The following TANGO6 variants were observed in gnomAD, a reference collection of about 807,000 sequenced individuals.
TANGO6 encodes the protein transport and Golgi organization protein 6 homolog.
Under a neutral mutation model 114.2 loss-of-function variants are expected in TANGO6, and 90 were observed. That is an observed-to-expected ratio of 0.79 (90% CI 0.66 to 0.94). The LOEUF (loss-of-function observed/expected upper bound fraction) is 0.94. Among genes scored for constraint, TANGO6 ranks in the 40% least tolerant of loss-of-function variants. The pLI is 0.00. For missense variants in TANGO6, 1,274 were observed against 1,315.3 expected, an observed-to-expected ratio of 0.97 and a Z score of 0.49; for synonymous variants, 477 against 509.8, an observed-to-expected ratio of 0.94 and a Z score of 0.87.
intron 1 of TANGO6, among the ~76,000 whole-genome samples, chr16:68,856,208 AC>A (rs1298763440): frequency 1.3e-5 from 2 of 152,350 alleles, no homozygotes; most frequent in East Asian, 3.9e-4. Context: ...ATTTTACTTC[AC>A]CACTAAGTAT....
intron 1 of TANGO6, among the ~76,000 whole-genome samples, chr16:68,852,377 A>C (rs1159476189): frequency 6.6e-6 from 1 of 152,076 alleles, no homozygotes; most frequent in African/African-American, 2.4e-5. Context: ...TATCAATTAC[A>C]TTTTGATTCC....
At position 68,974,105 on chromosome 16, in the gene TANGO6, A is replaced by G; in HGVS notation, c.2779A>G (p.Lys927Glu). The G allele has an allele frequency of 6.2e-7, 1 of 1,613,976 alleles. No homozygotes were observed. The highest frequency in any genetic ancestry group is 8.5e-7 in the Non-Finnish European group (1 of 1,179,888). ...LLAQYDSSKD[K>E]HTPETRMKVG... ...GGCTCAATATGACAGCAGCAAAGAC[A>G]AGCACACACCAGAGACCAGAATGAA... The change falls in exon 15 of 18, where the codon AAG becomes GAG. Residue 927 changes from lysine to glutamate, a missense_variant. Around this residue, in one of 5 missense-constraint regions of TANGO6, gnomAD observed 238 missense variants for 252.9 expected, o/e 0.94. Coordinates refer to ENST00000261778, the MANE Select transcript of TANGO6 (RefSeq NM_024562.2).
intron 4 of TANGO6, among the ~76,000 whole-genome samples, chr16:68,868,356 A>T (rs1265716199): frequency 1.3e-5 from 2 of 152,002 alleles, no homozygotes; most frequent in African/African-American, 4.8e-5. Flanking sequence ...TACATCATTT[A>T]AAGTCAAATA....
At chr16:69,024,618 A>G (rs998407359) in intron 16 of TANGO6, among the ~76,000 whole-genome samples, 4 of 152,126 alleles carry the variant, frequency 2.6e-5, no homozygotes, top group African/African-American at 9.7e-5. Flanking sequence ...ACTCATCAAT[A>G]TATCAGTGTA....
intron 4 of TANGO6, among the ~76,000 whole-genome samples, chr16:68,874,180 C>G (rs933403179): frequency 6.6e-6 from 1 of 152,202 alleles, no homozygotes; most frequent in African/African-American, 2.4e-5. Flanking sequence ...GGAACTCTCT[C>G]TACATGTAAC....
At chr16:68,843,774 G>GGCTGCCCTGCCTTCCGCA (rs1184534723) in intron 1 of TANGO6, 63 bp downstream of exon 1, 10 of 1,544,066 alleles carry the variant, frequency 6.5e-6, no homozygotes, top group Non-Finnish European at 8.0e-6. Flanking sequence ...CGGCTTCCGG[G>GGCTGCCCTGCCTTCCGCA]GCTGCCCTGC....
intron 7 of TANGO6, among the ~76,000 whole-genome samples, chr16:68,894,873 C>T (rs1962682557): frequency 6.6e-6 from 1 of 152,104 alleles, no homozygotes; most frequent in South Asian, 2.1e-4. Flanking sequence ...ATCCATGAAG[C>T]AATCAGTCCC....
chr16:68,876,363 G>A (rs1024387120), intron 5 of TANGO6, among the ~76,000 whole-genome samples: 3 of 152,010 alleles, frequency 2.0e-5, no homozygotes, highest in Non-Finnish European at 2.9e-5. Flanking sequence ...GTTTCTCCAC[G>A]TTGGTCAGGC....
chr16:68,855,300 G>C (rs577801897), intron 1 of TANGO6, among the ~76,000 whole-genome samples: 6 of 152,044 alleles, frequency 3.9e-5, no homozygotes, highest in Non-Finnish European at 5.9e-5. Flanking sequence ...TAAAGTTTTA[G>C]GCCAGGCGTG....
At chr16:69,025,847 G>T in intron 16 of TANGO6, 1 of 224,872 alleles carries the variant, frequency 4.4e-6, no homozygotes, top group South Asian at 8.3e-5. Flanking sequence ...TTCTATTCTT[G>T]GCATAAATTT....
chr16:68,990,364 AAG>A (rs1221843744), intron 15 of TANGO6, among the ~76,000 whole-genome samples: 4 of 152,190 alleles, frequency 2.6e-5, no homozygotes, highest in African/African-American at 9.7e-5. Context: ...GTGGCAGGTA[AAG>A]AGAGAATGAG....
chr16:68,982,143 C>T (rs1270412441), intron 15 of TANGO6, among the ~76,000 whole-genome samples: 2 of 152,136 alleles, frequency 1.3e-5, no homozygotes, highest in African/African-American at 2.4e-5. Flanking sequence ...TGTTGAAACA[C>T]CTTGTTCTAG....
chr16:68,955,020 G>A (rs942541823), intron 14 of TANGO6, among the ~76,000 whole-genome samples: 1 of 152,150 alleles, frequency 6.6e-6, no homozygotes. Context: ...TGACAACAAG[G>A]TTCAGGGACT....
intron 5 of TANGO6, 113 bp from the exon 6 acceptor site, chr16:68,878,005 T>C: frequency 1.2e-6 from 1 of 819,270 alleles, no homozygotes; most frequent in Non-Finnish European, 1.8e-6. Flanking sequence ...GTTGAATCAG[T>C]GTTATTGAGG....
intron 17 of TANGO6, among the ~76,000 whole-genome samples, chr16:69,041,011 C>T (rs1270559180): frequency 1.3e-5 from 2 of 151,874 alleles, no homozygotes; most frequent in African/African-American, 2.4e-5. Flanking sequence ...AATTAATTTT[C>T]GTCTTGATTT....
intron 14 of TANGO6, among the ~76,000 whole-genome samples, chr16:68,961,508 G>A (rs1963590586): frequency 6.6e-6 from 1 of 152,180 alleles, no homozygotes; most frequent in Non-Finnish European, 1.5e-5. Flanking sequence ...GCTTACGACT[G>A]TACAAGGCAT....
At chr16:68,973,021 C>T (rs894736158) in intron 14 of TANGO6, 8 of 410,126 alleles carry the variant, frequency 2.0e-5, no homozygotes, top group Non-Finnish European at 2.9e-5. Flanking sequence ...CAAAGGAAGG[C>T]GGGGGATGGG....
rs8053919 is a variant in TANGO6, at chr16:68,947,369, G to A, written c.2701+17074G>A. ...CTCAGGAGGCTGAAGCAAGAGAATC[G>A]CTTGAACCAGGGAGTCGAAGGTTGC... On this transcript the variant is annotated intron_variant, in intron 14 of 17. Coordinates refer to ENST00000261778, the MANE Select transcript of TANGO6 (RefSeq NM_024562.2). Among the ~76,000 whole-genome samples the A allele has an allele frequency of 2.7e-4, 41 of 151,872 alleles. No individual in the cohort carries two copies. In the East Asian group the frequency reaches 4.5e-3, roughly 17 times the overall value.
intron 16 of TANGO6, among the ~76,000 whole-genome samples, chr16:69,038,527 CTT>C (rs1052997862): frequency 6.6e-6 from 1 of 150,812 alleles, no homozygotes; most frequent in African/African-American, 2.4e-5. Context: ...TTTTTTTTCT[CTT>C]TTTAAAGCTT....
Sources: gnomAD v4.1 joint callset for allele counts (sites outside exome capture counted in the v4.1 genomes callset) on GRCh38, gnomAD v4.1.1 for gene constraint, gnomAD v4.1.1 regional missense constraint, MANE v1.5 for transcripts, NCBI Gene and HGNC (gene_info 2026-07-23, HGNC 2026-07-21) for gene names.